The following ANKH variants were observed in gnomAD, a reference collection of about 807,000 sequenced individuals.
The protein encoded by ANKH is mineralization regulator ANKH.
Under a neutral mutation model 49.0 loss-of-function variants are expected in ANKH, and 15 were observed. The observed-to-expected ratio is 0.31, with a 90% confidence interval of 0.20 to 0.47. ANKH has a LOEUF of 0.47. ANKH is among the 20% of genes least tolerant of loss of function. The pLI is 1.00. For missense variants in ANKH, 429 were observed against 652.0 expected (o/e 0.66, Z 3.72); for synonymous variants, 273 against 260.0 (o/e 1.05, Z -0.48).
At chr5:14,717,879 C>G (rs571198455) in intron 8 of ANKH, among the ~76,000 whole-genome samples, 145 of 152,318 alleles carry the variant, frequency 9.5e-4, no homozygotes, top group African/African-American at 3.3e-3. Flanking sequence ...CATGTCAGCG[C>G]TCAAAAGTTT....
chr5:14,746,355 C>T (rs1738542889), intron 6 of ANKH, among the ~76,000 whole-genome samples: 1 of 149,808 alleles, frequency 6.7e-6, no homozygotes, highest in Non-Finnish European at 1.5e-5. Context: ...TATTATTACT[C>T]ATATCAGTCT....
intron 1 of ANKH, among the ~76,000 whole-genome samples, chr5:14,858,753 AT>A (rs1561087711): frequency 5.4e-4 from 38 of 70,674 alleles, no homozygotes; most frequent in African/African-American, 8.1e-4. Flanking sequence ...AAATAAATAA[AT>A]AAATAAAATA....
At chr5:14,847,042 G>C (rs1001096359) in intron 1 of ANKH, among the ~76,000 whole-genome samples, 8 of 148,200 alleles carry the variant, frequency 5.4e-5, no homozygotes, top group African/African-American at 2.0e-4. Flanking sequence ...TCGAGCTTTT[G>C]ATTTTAAAAT....
chr5:14,859,992 G>A (rs1002854650), intron 1 of ANKH, among the ~76,000 whole-genome samples: 2 of 152,254 alleles, frequency 1.3e-5, no homozygotes, highest in Admixed American at 6.5e-5. Context: ...TTGTCTAGGA[G>A]AGGCTGGGAA....
intron 1 of ANKH, among the ~76,000 whole-genome samples, chr5:14,866,716 T>TC (rs60874264): frequency 0.25 from 38,551 of 152,028 alleles, 6,400 homozygotes; most frequent in East Asian, 0.49. Context: ...GTTTCTTTCA[T>TC]CCCCCCTTGA....
At chr5:14,798,268 G>C in intron 1 of ANKH, 1 of 1,604,354 alleles carries the variant, frequency 6.2e-7, no homozygotes, top group South Asian at 1.1e-5. Context: ...TGGGCAGTTA[G>C]GCTGGGCCAC....
At chr5:14,787,213 C>A (rs1476063159) in intron 1 of ANKH, among the ~76,000 whole-genome samples, 1 of 152,056 alleles carries the variant, frequency 6.6e-6, no homozygotes, top group South Asian at 2.1e-4. Flanking sequence ...ACTTGGGAAG[C>A]TGAGGCAGGA....
rs763245972 is a variant in ANKH at position 14,718,829 on chromosome 5, AC to A, written c.1012-1995del. On this transcript the variant is annotated intron_variant, in intron 8 of 11. Transcript: ENST00000284268. ...AGCGAAACTCCATCCTCCCAACACCACCCCCCCCCCAAAAAAAAAAGACATA... is the reference window on the plus strand; with the variant it reads ...AGCGAAACTCCATCCTCCCAACACCACCCCCCCCCAAAAAAAAAAGACATA... Among the ~76,000 whole-genome samples the A allele has an allele frequency of 4.8e-3, 413 of 85,764 alleles. 6 individuals carry two copies. The highest frequency in any genetic ancestry group is 0.015 in the African/African-American group (365 of 24,168). 56.3% of individuals were successfully genotyped at this position (85,764 alleles called of 152,430 possible). A position where few individuals can be genotyped will look rare whatever the true frequency, so the allele number is the denominator to read the frequency against.
chr5:14,749,052 G>A, intron 6 of ANKH, 120 bp downstream of exon 6: 1 of 1,390,442 alleles, frequency 7.2e-7, no homozygotes, highest in Non-Finnish European at 1.0e-6. Flanking sequence ...TAGTGTGACT[G>A]TCATGTAATT....
chr5:14,858,387 A>T (rs1735354520), intron 1 of ANKH, among the ~76,000 whole-genome samples: 1 of 152,226 alleles, frequency 6.6e-6, no homozygotes, highest in East Asian at 1.9e-4. Context: ...ATTGCCTACG[A>T]TAAAAAGTAG....
At chr5:14,748,136 G>A (rs946410976) in intron 6 of ANKH, among the ~76,000 whole-genome samples, 1 of 152,058 alleles carries the variant, frequency 6.6e-6, no homozygotes, top group Admixed American at 6.5e-5. Flanking sequence ...ACAGGTGGTG[G>A]GGGTCCCATA....
At position 14,758,380 on chromosome 5, in the gene ANKH, CT is replaced by C. The variant is rs888369093; in HGVS notation, c.432+99del. 7 of 874,606 alleles carry C rather than the reference CT, an allele frequency of 8.0e-6. No individual in the cohort carries two copies. In the African/African-American group the frequency reaches 1.2e-4, roughly 15 times the overall value. 54.2% of individuals were successfully genotyped at this position (874,606 alleles called of 1,614,324 possible). The stretch of plus-strand genomic sequence containing the variant: ...TGTGAATGTACTTCCTGCCATTAAG[CT>C]GTACACACAAAAATAGCTAAAATGG... On this transcript the variant is annotated intron_variant, in intron 3 of 11. Coordinates refer to ENST00000284268, the MANE Select transcript of ANKH (RefSeq NM_054027.6).
chr5:14,802,468 C>T (rs1740593201), intron 1 of ANKH, among the ~76,000 whole-genome samples: 1 of 152,124 alleles, frequency 6.6e-6, no homozygotes, highest in African/African-American at 2.4e-5. Context: ...TTGACCTTAT[C>T]GTTGTCCCCT....
intron 1 of ANKH, among the ~76,000 whole-genome samples, chr5:14,863,545 T>C (rs1360884464): frequency 3.3e-5 from 5 of 152,260 alleles, no homozygotes; most frequent in African/African-American, 9.6e-5. Flanking sequence ...GCTTCAGTTA[T>C]GAAGCAAATT....
At chr5:14,717,511 G>A (rs1349013032) in intron 8 of ANKH, among the ~76,000 whole-genome samples, 1 of 152,214 alleles carries the variant, frequency 6.6e-6, no homozygotes, top group Non-Finnish European at 1.5e-5. Flanking sequence ...AGAAAGTGCG[G>A]CACAGGTCCT....
At chr5:14,736,842 G>A (rs1179444854) in intron 8 of ANKH, among the ~76,000 whole-genome samples, 1 of 152,220 alleles carries the variant, frequency 6.6e-6, no homozygotes, top group African/African-American at 2.4e-5. Flanking sequence ...TCCATTGTGT[G>A]CTAATGGTTT....
At chr5:14,825,931 C>T (rs1412684597) in intron 1 of ANKH, 1 of 152,416 alleles carries the variant, frequency 6.6e-6, no homozygotes, top group African/African-American at 2.4e-5. Flanking sequence ...GGTTAGAACC[C>T]TCACTTGAAT....
intron 1 of ANKH, among the ~76,000 whole-genome samples, chr5:14,829,184 CAAAAAA>C (rs56223225): frequency 0.14 from 14,664 of 105,730 alleles, 893 homozygotes; most frequent in East Asian, 0.41. Context: ...GACTCTGTCT[CAAAAAA>C]AAAAAAAAAA....
intron 7 of ANKH, among the ~76,000 whole-genome samples, chr5:14,743,584 T>G (rs542867485): frequency 6.6e-6 from 1 of 152,324 alleles, no homozygotes; most frequent in East Asian, 1.9e-4. Context: ...GGAAGGTATG[T>G]GAGAAATTTT....
Sources: allele counts gnomAD v4.1 joint callset (sites outside exome capture counted in the v4.1 genomes callset), GRCh38; gene constraint gnomAD v4.1.1; transcripts MANE v1.5; gene names NCBI Gene and HGNC (gene_info 2026-07-23, HGNC 2026-07-21).